Variants in MARK4 observed in about 807,000 individuals in gnomAD.
MARK4 encodes the protein MAP/microtubule affinity-regulating kinase 4.
In MARK4, 19 loss-of-function variants were observed where a neutral mutation model predicts 81.5. The ratio of observed to expected loss-of-function variants is 0.23; its 90% confidence interval spans 0.16 to 0.34. MARK4 has a LOEUF of 0.34. MARK4 is among the 10% of genes least tolerant of loss of function. The probability of loss-of-function intolerance (pLI) is 1.00; values close to 1 mark genes in which losing one functional copy is unlikely to be tolerated. For synonymous variants in MARK4, 436 were observed against 439.0 expected (o/e 0.99, Z 0.08); for missense variants, 772 against 1,058.8 (o/e 0.73, Z 3.76).
At chr19:45,255,324 G>A (rs917086737) in intron 1 of MARK4, among the ~76,000 whole-genome samples, 10 of 152,130 alleles carry the variant, frequency 6.6e-5, no homozygotes, top group African/African-American at 2.4e-4. Context: ...ACTTTGGGAG[G>A]CCGAGGTGGG....
At chr19:45,265,195 G>A (rs903509641) in intron 6 of MARK4, among the ~76,000 whole-genome samples, 1 of 152,110 alleles carries the variant, frequency 6.6e-6, no homozygotes, top group African/African-American at 2.4e-5. Flanking sequence ...TGTGCCCAGC[G>A]CGTAGGTGTG....
intron 12 of MARK4, among the ~76,000 whole-genome samples, chr19:45,282,737 T>A (rs1970692457): frequency 6.6e-6 from 1 of 151,842 alleles, no homozygotes; most frequent in Non-Finnish European, 1.5e-5. Context: ...AGGCAGAGAA[T>A]TGCTTGAACC....
intron 12 of MARK4, among the ~76,000 whole-genome samples, chr19:45,282,849 A>C (rs1030551650): frequency 6.6e-6 from 1 of 151,472 alleles, no homozygotes; most frequent in Non-Finnish European, 1.5e-5. Context: ...ATTAAAAATT[A>C]GGTGTGGTAG....
intron 8 of MARK4, among the ~76,000 whole-genome samples, chr19:45,276,412 G>T (rs191604091): frequency 8.5e-5 from 13 of 152,248 alleles, no homozygotes; most frequent in Admixed American, 1.3e-4. Context: ...CTTTGGTAGG[G>T]CCTCTCATAA....
At chr19:45,277,595 C>G (rs1161609330) in intron 8 of MARK4, among the ~76,000 whole-genome samples, 1 of 151,794 alleles carries the variant, frequency 6.6e-6, no homozygotes, top group Non-Finnish European at 1.5e-5. Flanking sequence ...GATGAGGTCT[C>G]CCTGTGTTGC....
At position 45,266,974 on chromosome 19, in the gene MARK4, C is replaced by T. The variant is rs543832379; in HGVS notation, c.549+693C>T. On this transcript the variant is annotated intron_variant, in intron 7 of 16. Coordinates refer to ENST00000262891, the MANE Select transcript of MARK4 (RefSeq NM_001199867.2). ...GTCTCGATCTCCTGACCTTGTGATC[C>T]GCCCGCCTCAGCCTCCCAAAGTGCT... 1.5e-3 allele frequency among the ~76,000 whole-genome samples: 228 copies of T among 151,982 alleles called. 2 individuals are homozygous for T. The highest frequency in any genetic ancestry group is 4.9e-3 in the African/African-American group (203 of 41,438).
intron 8 of MARK4, 53 bp from the exon 9 acceptor site, chr19:45,277,859 GTGTGTGTGTGT>G: frequency 6.8e-7 from 1 of 1,467,400 alleles, no homozygotes; most frequent in Admixed American, 1.8e-5. Flanking sequence ...GTGTGTGTGT[GTGTGTGTGTGT>G]AATAGGTGGG....
rs375565969 is a variant in MARK4, at chr19:45,271,721, G to T, written c.786+13G>T. 3.1e-6 allele frequency: 5 copies of T among 1,611,944 alleles called. No individual in the cohort carries two copies. The African/African-American group carries it at 5.3e-5, about 17-fold the overall frequency. ...GCACAACCTCAAGGTACCGAGAGGGGCTGGGTGCAGGGGCATCAGCCCCTC... is the reference window on the plus strand; with the variant it reads ...GCACAACCTCAAGGTACCGAGAGGGTCTGGGTGCAGGGGCATCAGCCCCTC... On this transcript the variant is annotated intron_variant, in intron 8 of 16. Coordinates refer to ENST00000262891, the MANE Select transcript of MARK4 (RefSeq NM_001199867.2). The surrounding 1 kb of genome is among the most constrained non-coding windows in gnomAD (Gnocchi z 4.1).
At chr19:45,285,135 T>G (rs962237603) in intron 12 of MARK4, among the ~76,000 whole-genome samples, 9 of 151,788 alleles carry the variant, frequency 5.9e-5, no homozygotes, top group African/African-American at 2.2e-4. Context: ...GGTGTGCACC[T>G]GTAATCCCAG....
chr19:45,295,420 T>A (rs893092477), intron 14 of MARK4, among the ~76,000 whole-genome samples: 7 of 151,944 alleles, frequency 4.6e-5, no homozygotes, highest in Admixed American at 4.6e-4. Context: ...ACCTCTGTGC[T>A]CACACTGCTA....
chr19:45,304,838 A>C lies in MARK4; in HGVS notation c.*2128A>C, dbSNP rs1014817107. The C allele has an allele frequency of 6.6e-6, 1 of 152,354 alleles. No homozygotes were observed. The highest frequency in any genetic ancestry group is 1.5e-5 in the Non-Finnish European group (1 of 68,134). 9.4% of individuals were successfully genotyped at this position (152,354 alleles called of 1,614,324 possible). On this transcript the variant is annotated 3_prime_UTR_variant, in exon 17 of 17. Coordinates refer to ENST00000262891, the MANE Select transcript of MARK4 (RefSeq NM_001199867.2). Reference sequence around the variant, plus strand: ...ACAGCAAATGGCACATACAAGGGCCAGGGAGCAAGAGAGAGGACAGGTCCT... The same window carrying C: ...ACAGCAAATGGCACATACAAGGGCCCGGGAGCAAGAGAGAGGACAGGTCCT...
chr19:45,298,069 TCC>T, intron 15 of MARK4, 115 bp downstream of exon 15: 2 of 1,551,016 alleles, frequency 1.3e-6, no homozygotes, highest in Non-Finnish European at 1.8e-6. Flanking sequence ...CTCCTCCTCC[TCC>T]TCCTCGTTTC....
intron 12 of MARK4, among the ~76,000 whole-genome samples, chr19:45,286,324 G>T (rs1368857294): frequency 6.6e-6 from 1 of 151,794 alleles, no homozygotes; most frequent in African/African-American, 2.4e-5. Flanking sequence ...AAAGTGCTGG[G>T]ATTACAGGCG....
intron 1 of MARK4, among the ~76,000 whole-genome samples, chr19:45,252,169 A>G (rs1970252526): frequency 6.6e-6 from 1 of 151,532 alleles, no homozygotes; most frequent in Non-Finnish European, 1.5e-5. Context: ...GGACGCACCC[A>G]GGGCGCCTGT....
intron 9 of MARK4, 69 bp downstream of exon 9, chr19:45,278,111 C>A: frequency 2.5e-6 from 4 of 1,587,602 alleles, no homozygotes; most frequent in Non-Finnish European, 3.4e-6. Flanking sequence ...TGCCTGCCCC[C>A]ACCCACAAAA....
intron 15 of MARK4, 112 bp downstream of exon 15, chr19:45,298,066 TCC>T: frequency 1.3e-6 from 2 of 1,544,916 alleles, no homozygotes; most frequent in Non-Finnish European, 1.8e-6. Context: ...TTCCTCCTCC[TCC>T]TCCTCCTCGT....
chr19:45,303,275 A>G lies in MARK4; in HGVS notation c.*565A>G, dbSNP rs907285618. 1 of 154,984 alleles carries G rather than the reference A, an allele frequency of 6.5e-6. No homozygotes were observed. Among genetic ancestry groups the G allele is most frequent in the Admixed American group, 6.3e-5 (1 of 15,812 alleles). The allele number at this position is 154,984 out of a possible 1,614,324, so 9.6% of individuals were successfully genotyped here. A position where few individuals can be genotyped will look rare whatever the true frequency, so the allele number is the denominator to read the frequency against. ...TCTTGAGGAGCTGCCGCTGTCACCTACGGTTTTTAAGTTATTACACCCCGA... is the reference window on the plus strand; with the variant it reads ...TCTTGAGGAGCTGCCGCTGTCACCTGCGGTTTTTAAGTTATTACACCCCGA... On this transcript the variant is annotated 3_prime_UTR_variant, in exon 17 of 17. Transcript: ENST00000262891.
intron 13 of MARK4, among the ~76,000 whole-genome samples, chr19:45,291,278 C>T (rs1970817079): frequency 6.6e-6 from 1 of 152,208 alleles, no homozygotes; most frequent in Non-Finnish European, 1.5e-5. Flanking sequence ...GAACAACAGT[C>T]ACAACCACAC....
intron 15 of MARK4, chr19:45,298,290 CG>C (rs1417839231): frequency 6.6e-7 from 1 of 1,524,172 alleles, no homozygotes. Flanking sequence ...CCTGTGTGTG[CG>C]GGCATTGGGA....
Sources: gnomAD v4.1 joint callset for allele counts (sites outside exome capture counted in the v4.1 genomes callset) on GRCh38, gnomAD v4.1.1 for gene constraint, Gnocchi (gnomAD v3.1) non-coding constraint, MANE v1.5 for transcripts, NCBI Gene and HGNC (gene_info 2026-07-23, HGNC 2026-07-21) for gene names.